Variants in CD36 observed in about 807,000 individuals in gnomAD.
The protein encoded by CD36 is platelet glycoprotein 4.
A neutral mutation model predicts 55.2 loss-of-function variants in CD36; 119 were observed. The observed-to-expected ratio is 2.15, with a 90% CI of 1.86 to 2.51. CD36 has a LOEUF of 2.51. Ranked by LOEUF, CD36 falls within the 30% of genes most tolerant of loss-of-function variation. The pLI, the probability that CD36 is intolerant of heterozygous loss-of-function variation, is 0.00. For missense variants in CD36, 819 were observed against 555.5 expected, an observed-to-expected ratio of 1.47 and a Z score of -4.77; for synonymous variants, 186 against 193.6, an observed-to-expected ratio of 0.96 and a Z score of 0.33.
In CD36 at chr7:80,666,495, A is replaced by C; in HGVS notation, c.748+6A>C. The stretch of plus-strand genomic sequence containing the variant: ...CGACATGATTAATGGTACAGGTAAG[A>C]ATATTTGTTTTGTGGTCATCACAGT... On this transcript the variant is annotated splice_donor_region_variant and intron_variant, in intron 8 of 14. Coordinates refer to ENST00000447544, the MANE Select transcript of CD36 (RefSeq NM_001001548.3). 1 of 1,603,434 alleles carries C rather than the reference A, an allele frequency of 6.2e-7. No individual in the cohort carries two copies. The highest frequency in any genetic ancestry group is 1.7e-5 in the Admixed American group (1 of 60,002).
intron 1 of CD36, among the ~76,000 whole-genome samples, chr7:80,622,943 A>G (rs943122530): frequency 6.6e-6 from 1 of 152,138 alleles, no homozygotes; most frequent in Non-Finnish European, 1.5e-5. Context: ...GAATGCTCTA[A>G]AATCTATAGC....
intron 4 of CD36, among the ~76,000 whole-genome samples, chr7:80,660,843 T>G (rs1410177972): frequency 6.6e-6 from 1 of 152,112 alleles, no homozygotes; most frequent in East Asian, 1.9e-4. Context: ...CAATATTCCT[T>G]CTCTCTCACT....
At chr7:80,626,675 T>C (rs1174084602) in intron 1 of CD36, among the ~76,000 whole-genome samples, 1 of 152,102 alleles carries the variant, frequency 6.6e-6, no homozygotes, top group African/African-American at 2.4e-5. Context: ...AAATCTTATG[T>C]CTTAATATAC....
chr7:80,672,071 T>A (rs1168631068), intron 11 of CD36, 31 bp downstream of exon 11: 3 of 1,526,836 alleles, frequency 2.0e-6, no homozygotes, highest in Non-Finnish European at 2.7e-6. Flanking sequence ...TCTGATTTGG[T>A]TGATATTTTT....
In CD36 at chr7:80,678,922, G is replaced by GAGTT. The variant is rs1798247146; in HGVS notation, c.*2540_*2543dup. On this transcript the variant is annotated 3_prime_UTR_variant, in exon 15 of 15. Transcript: ENST00000447544. ...AGCTACATAATTATCTTTCTAGTTG[G>GAGTT]AGTTTGTTTTAGGTGTGTACCAACT... 1 of 151,886 alleles carries GAGTT rather than the reference G, an allele frequency of 6.6e-6. No homozygotes were observed. The highest frequency in any genetic ancestry group is 2.4e-5 in the African/African-American group (1 of 41,370). 9.4% of individuals were successfully genotyped at this position (151,886 alleles called of 1,614,324 possible).
chr7:80,638,698 C>G lies in CD36; in HGVS notation c.-232C>G, dbSNP rs994116285. On this transcript the variant is annotated 5_prime_UTR_variant, in exon 1 of 15. Coordinates refer to ENST00000447544, the MANE Select transcript of CD36 (RefSeq NM_001001548.3). Reference sequence around the variant, plus strand: ...ACCATTTGATCCTATTAAGAATTGTCCAAATGTTGGAGCATTTGATTGAAA... The same window carrying G: ...ACCATTTGATCCTATTAAGAATTGTGCAAATGTTGGAGCATTTGATTGAAA... 2.6e-5 allele frequency: 4 copies of G among 151,692 alleles called. No individual in the cohort carries two copies. Among genetic ancestry groups the G allele is most frequent in the African/African-American group, 9.7e-5 (4 of 41,330 alleles). 9.4% of individuals were successfully genotyped at this position (151,692 alleles called of 1,614,324 possible). A position where few individuals can be genotyped will look rare whatever the true frequency, so the allele number is the denominator to read the frequency against.
intron 1 of CD36, among the ~76,000 whole-genome samples, chr7:80,626,606 T>G (rs1456098505): frequency 2.0e-5 from 3 of 152,126 alleles, no homozygotes; most frequent in Non-Finnish European, 4.4e-5. Flanking sequence ...TTAATAATTT[T>G]GTTTTACATT....
intron 3 of CD36, among the ~76,000 whole-genome samples, chr7:80,654,862 T>G (rs1378233157): frequency 7.4e-6 from 1 of 135,592 alleles, no homozygotes; most frequent in Non-Finnish European, 1.5e-5. Flanking sequence ...TTCTACCAAC[T>G]AAGTGCAGAG....
intron 1 of CD36, among the ~76,000 whole-genome samples, chr7:80,607,014 G>T (rs574117729): frequency 6.6e-6 from 1 of 152,262 alleles, no homozygotes; most frequent in South Asian, 2.1e-4. Flanking sequence ...TGGTTTACCA[G>T]CTGAAGTTGG....
chr7:80,635,719 T>C (rs551549474), upstream of CD36, among the ~76,000 whole-genome samples: 17 of 152,268 alleles, frequency 1.1e-4, no homozygotes, highest in Non-Finnish European at 2.4e-4. Flanking sequence ...GTCATACACT[T>C]AGGAAGTGAT....
intron 1 of CD36, among the ~76,000 whole-genome samples, chr7:80,625,377 G>A (rs1793686487): frequency 6.6e-6 from 1 of 152,112 alleles, no homozygotes; most frequent in Middle Eastern, 3.2e-3. Context: ...TAACTTTGTT[G>A]TGATGATCTA....
chr7:80,672,397 A>AAATTCTAGGATTTT (rs1473795186), intron 11 of CD36, among the ~76,000 whole-genome samples: 1 of 151,844 alleles, frequency 6.6e-6, no homozygotes, highest in Non-Finnish European at 1.5e-5. Flanking sequence ...AAAGTAAATG[A>AAATTCTAGGATTTT]AATTCTAGGA....
At chr7:80,667,303 G>A (rs929836150) in intron 8 of CD36, among the ~76,000 whole-genome samples, 2 of 151,832 alleles carry the variant, frequency 1.3e-5, no homozygotes, top group Non-Finnish European at 2.9e-5. Context: ...GCTGGCACAC[G>A]CTTTTAGTTC....
At chr7:80,675,389 G>A (rs1425218145) in intron 14 of CD36, among the ~76,000 whole-genome samples, 1 of 151,508 alleles carries the variant, frequency 6.6e-6, no homozygotes, top group African/African-American at 2.4e-5. Context: ...AGGAAATGCA[G>A]AAGTTATAAA....
chr7:80,672,062 C>T (rs1165722348), intron 11 of CD36, 22 bp downstream of exon 11: 2 of 1,570,736 alleles, frequency 1.3e-6, no homozygotes, highest in Non-Finnish European at 1.7e-6. Context: ...CCTTATTGAT[C>T]TGATTTGGTT....
In CD36 at chr7:80,663,059, T is replaced by C. The variant is rs759293657; in HGVS notation, c.499T>C (p.Ser167Pro). The part of the protein sequence containing the change: ...ILNSLINKSK[S>P]SMFQVRTLRE... ...CAATTCACTTATTAACAAGTCAAAA[T>C]CTTCTATGTTCCAAGTCAGAACTTT... The change falls in exon 6 of 15, where the codon TCT becomes CCT. Residue 167 changes from serine to proline, a missense_variant. Ser to Pro is a moderately conservative substitution (Grantham distance 74). Coordinates refer to ENST00000447544, the MANE Select transcript of CD36 (RefSeq NM_001001548.3). 3 of 1,613,236 alleles carry C rather than the reference T, an allele frequency of 1.9e-6. No individual in the cohort carries two copies. Among genetic ancestry groups the C allele is most frequent in the Non-Finnish European group, 2.5e-6 (3 of 1,179,456 alleles).
rs1797917229 is a variant in CD36 at position 80,673,375 on chromosome 7, G to GGAACTATATTGTGCCTATTCTTT, written c.1222_1244dup (p.Trp415Ter). 6.4e-7 allele frequency: 1 copy of GGAACTATATTGTGCCTATTCTTT among 1,550,624 alleles called. No homozygotes were observed. Among genetic ancestry groups the GGAACTATATTGTGCCTATTCTTT allele is most frequent in the East Asian group, 2.3e-5 (1 of 44,262 alleles). ...TACAGAGTATTAAAGAATCTGAAGA[G>GGAACTATATTGTGCCTATTCTTT]GAACTATATTGTGCCTATTCTTTGG... On this transcript the variant is annotated frameshift_variant, in exon 13 of 15. Transcript: ENST00000447544. LOFTEE classifies it high-confidence loss of function.
chr7:80,674,007 G>A lies in CD36; in HGVS notation c.1279G>A (p.Ala427Thr), dbSNP rs201527696. The A allele has an allele frequency of 8.1e-6, 13 of 1,611,940 alleles. No individual in the cohort carries two copies. Among genetic ancestry groups the A allele is most frequent in the Middle Eastern group, 3.3e-4 (2 of 6,056 alleles). The change falls in exon 14 of 15, where the codon GCA (alanine) becomes ACA (threonine). Residue 427 changes from alanine (A) to threonine (T), a missense_variant. Ala to Thr is a moderately conservative substitution (Grantham distance 58). Coordinates refer to ENST00000447544, the MANE Select transcript of CD36 (RefSeq NM_001001548.3). ...GACTGGGACCATTGGTGATGAGAAG[G>A]CAAACATGTTCAGAAGTCAAGTAAC... The part of the protein sequence containing the change: ...NETGTIGDEK[A>T]NMFRSQVTGK...
chr7:80,627,661 T>G (rs1346509675), intron 1 of CD36, among the ~76,000 whole-genome samples: 1 of 152,060 alleles, frequency 6.6e-6, no homozygotes, highest in Non-Finnish European at 1.5e-5. Context: ...GAGAGGATTT[T>G]CAACAGGCAA....
Sources: allele counts gnomAD v4.1 joint callset (sites outside exome capture counted in the v4.1 genomes callset), GRCh38; gene constraint gnomAD v4.1.1; transcripts MANE v1.5; gene names NCBI Gene and HGNC (gene_info 2026-07-23, HGNC 2026-07-21).